The following RAB11FIP4 variants were observed in gnomAD, a reference collection of about 807,000 sequenced individuals.
RAB11FIP4 encodes the protein rab11 family-interacting protein 4.
Under a neutral mutation model 74.3 loss-of-function variants are expected in RAB11FIP4, and 23 were observed. The ratio of observed to expected loss-of-function variants is 0.31; its 90% CI spans 0.22 to 0.44. The LOEUF is 0.44. RAB11FIP4 is among the 20% of genes least tolerant of loss of function. The probability of loss-of-function intolerance (pLI) is 1.00; values close to 1 mark genes in which losing one functional copy is unlikely to be tolerated. For missense variants in RAB11FIP4, 630 were observed against 863.9 expected, an observed-to-expected ratio of 0.73 and a Z score of 3.39; for synonymous variants, 360 against 359.9, an observed-to-expected ratio of 1.00 and a Z score of 0.00.
At chr17:31,402,480 C>G (rs1597897420) in intron 1 of RAB11FIP4, among the ~76,000 whole-genome samples, 1 of 152,132 alleles carries the variant, frequency 6.6e-6, no homozygotes, top group African/African-American at 2.4e-5. Flanking sequence ...TGCAGTGATT[C>G]CTGCCCTCTA....
intron 2 of RAB11FIP4, among the ~76,000 whole-genome samples, chr17:31,432,387 G>T (rs2071319250): frequency 6.7e-6 from 1 of 150,346 alleles, no homozygotes; most frequent in African/African-American, 2.4e-5. Context: ...ACAGGGTCTG[G>T]CTTTGTCGCC....
intron 2 of RAB11FIP4, 58 bp downstream of exon 2, chr17:31,431,958 G>A: frequency 1.5e-6 from 2 of 1,339,252 alleles, no homozygotes; most frequent in Non-Finnish European, 2.1e-6. Flanking sequence ...AGCTGGGGAA[G>A]CTGGTGTGAC....
intron 4 of RAB11FIP4, among the ~76,000 whole-genome samples, chr17:31,519,908 T>G (rs71375449): frequency 6.6e-6 from 1 of 151,232 alleles, no homozygotes; most frequent in African/African-American, 2.4e-5. Context: ...AGGCCAGGAG[T>G]TTGAGACCAG....
At chr17:31,452,947 G>T (rs1000902511) in intron 3 of RAB11FIP4, among the ~76,000 whole-genome samples, 3 of 152,174 alleles carry the variant, frequency 2.0e-5, no homozygotes, top group Admixed American at 6.5e-5. Context: ...GGATGGGGCA[G>T]CTGACCCCGC....
At chr17:31,424,630 G>C (rs8065729) in intron 1 of RAB11FIP4, among the ~76,000 whole-genome samples, 133,267 of 147,602 alleles carry the variant, frequency 0.9, 60,435 homozygotes, top group Admixed American at 0.94. Context: ...GCCTGGAGTA[G>C]AGTGGCACGA....
At chr17:31,506,878 T>C (rs2072360285) in intron 3 of RAB11FIP4, among the ~76,000 whole-genome samples, 1 of 152,226 alleles carries the variant, frequency 6.6e-6, no homozygotes, top group Non-Finnish European at 1.5e-5. Context: ...CATACTGATT[T>C]CTTTTCTTTT....
chr17:31,461,721 C>CTTTTT (rs143304350), intron 3 of RAB11FIP4, among the ~76,000 whole-genome samples: 1 of 142,882 alleles, frequency 7.0e-6, no homozygotes, highest in Non-Finnish European at 1.5e-5. Context: ...TGCACCCAGC[C>CTTTTT]TTTTTTTTTT....
chr17:31,426,063 C>T (rs554892250), intron 1 of RAB11FIP4, among the ~76,000 whole-genome samples: 25 of 152,302 alleles, frequency 1.6e-4, no homozygotes, highest in African/African-American at 5.3e-4. Flanking sequence ...CCAGGAAGGT[C>T]GAGACTCTTT....
chr17:31,530,381 TCA>T lies in RAB11FIP4; in HGVS notation c.1710_1711del (p.Ser571ProfsTer13). 1 of 1,614,158 alleles carries T rather than the reference TCA, an allele frequency of 6.2e-7. No individual in the cohort carries two copies. The highest frequency in any genetic ancestry group is 8.5e-7 in the Non-Finnish European group (1 of 1,180,018). ...GACTTGAATGGGCAGATTTTGAGCC[TCA>T]GCCTCTACGAAGCAAAAAACCTCTT... On this transcript the variant is annotated frameshift_variant, in exon 14 of 15. Transcript: ENST00000621161. LOFTEE classifies it high-confidence loss of function.
chr17:31,431,021 A>G (rs1239032938), intron 1 of RAB11FIP4, among the ~76,000 whole-genome samples: 1 of 152,134 alleles, frequency 6.6e-6, no homozygotes, highest in Non-Finnish European at 1.5e-5. Flanking sequence ...AAGAAAGTCA[A>G]GGATCTGAGA....
At chr17:31,415,279 G>T (rs149118989) in intron 1 of RAB11FIP4, among the ~76,000 whole-genome samples, 2 of 152,214 alleles carry the variant, frequency 1.3e-5, no homozygotes, top group African/African-American at 4.8e-5. Flanking sequence ...GGCGCTCTAC[G>T]TGGACAAAGA....
At chr17:31,508,003 T>G (rs969439417) in intron 3 of RAB11FIP4, among the ~76,000 whole-genome samples, 12 of 152,132 alleles carry the variant, frequency 7.9e-5, no homozygotes, top group Non-Finnish European at 1.6e-4. Flanking sequence ...ACTTTTTGTA[T>G]TTTTTGTAGA....
At chr17:31,450,306 C>A (rs1382165319) in intron 3 of RAB11FIP4, among the ~76,000 whole-genome samples, 4 of 147,826 alleles carry the variant, frequency 2.7e-5, no homozygotes, top group Non-Finnish European at 5.9e-5. Context: ...CGCACACCAC[C>A]CCCCCGCCAC....
At chr17:31,515,394 G>A (rs1225394995) in intron 3 of RAB11FIP4, among the ~76,000 whole-genome samples, 8 of 145,674 alleles carry the variant, frequency 5.5e-5, no homozygotes, top group Non-Finnish European at 9.3e-5. Flanking sequence ...GCTGGTGTAC[G>A]TGTTATTGGT....
At chr17:31,528,869 G>C (rs1460387975) in intron 13 of RAB11FIP4, 91 bp downstream of exon 13, 63 of 1,407,966 alleles carry the variant, frequency 4.5e-5, no homozygotes, top group Non-Finnish European at 6.0e-5. Flanking sequence ...GGGGAGCCCA[G>C]AGCTGTAGCA....
chr17:31,450,824 A>T (rs530069471), intron 3 of RAB11FIP4, among the ~76,000 whole-genome samples: 2 of 148,726 alleles, frequency 1.3e-5, no homozygotes, highest in South Asian at 4.2e-4. Context: ...CATTTCCACC[A>T]TGTTCCAGGC....
At chr17:31,418,121 C>A (rs1398283327) in intron 1 of RAB11FIP4, among the ~76,000 whole-genome samples, 1 of 152,196 alleles carries the variant, frequency 6.6e-6, no homozygotes, top group South Asian at 2.1e-4. Flanking sequence ...GGCGTAGTGG[C>A]TCATGCCTGT....
chr17:31,504,144 T>G (rs1211059098), intron 3 of RAB11FIP4, among the ~76,000 whole-genome samples: 2 of 148,216 alleles, frequency 1.3e-5, no homozygotes, highest in Non-Finnish European at 2.9e-5. Context: ...TTTTTTTTTT[T>G]TTTTGAGACA....
chr17:31,409,628 C>T (rs1278127071), intron 1 of RAB11FIP4, among the ~76,000 whole-genome samples: 1 of 152,212 alleles, frequency 6.6e-6, no homozygotes, highest in African/African-American at 2.4e-5. Flanking sequence ...GGTTCCCACC[C>T]TGCACTCAAG....
Sources: allele counts gnomAD v4.1 joint callset (sites outside exome capture counted in the v4.1 genomes callset), GRCh38; gene constraint gnomAD v4.1.1; transcripts MANE v1.5; gene names NCBI Gene and HGNC (gene_info 2026-07-23, HGNC 2026-07-21).